The following OSBP2 variants were observed in gnomAD, a reference collection of about 807,000 sequenced individuals.
The protein encoded by OSBP2 is oxysterol binding protein 2.
In OSBP2, 66 loss-of-function variants were observed where a neutral mutation model predicts 96.0. The observed-to-expected ratio is 0.69, with a 90% CI of 0.56 to 0.84. OSBP2 has a LOEUF of 0.84. Ranked by LOEUF, OSBP2 falls within the 40% of genes least tolerant of loss-of-function variation. The probability of loss-of-function intolerance (pLI) is 0.00; values close to 1 mark genes in which losing one functional copy is unlikely to be tolerated. For synonymous variants in OSBP2, 525 were observed against 520.9 expected, an observed-to-expected ratio of 1.01 and a Z score of -0.11; for missense variants, 1,038 against 1,222.7, an observed-to-expected ratio of 0.85 and a Z score of 2.25.
intron 2 of OSBP2, among the ~76,000 whole-genome samples, chr22:30,828,015 C>T (rs1319104141): frequency 6.6e-6 from 1 of 152,098 alleles, no homozygotes; most frequent in Non-Finnish European, 1.5e-5. Context: ...AGGCTATGGC[C>T]TGGGGACCCG....
intron 2 of OSBP2, among the ~76,000 whole-genome samples, chr22:30,821,548 A>G (rs1221449525): frequency 6.6e-6 from 1 of 151,988 alleles, no homozygotes; most frequent in African/African-American, 2.4e-5. Flanking sequence ...AGGGTTGAGG[A>G]AGGGTGTGGT....
At chr22:30,895,425 G>A (rs1033003046) in intron 12 of OSBP2, among the ~76,000 whole-genome samples, 5 of 152,128 alleles carry the variant, frequency 3.3e-5, no homozygotes, top group Non-Finnish European at 7.4e-5. Context: ...AATGAAGACC[G>A]AAGAAAAAAT....
At chr22:30,719,175 C>T (rs2078856486) in intron 1 of OSBP2, among the ~76,000 whole-genome samples, 1 of 151,970 alleles carries the variant, frequency 6.6e-6, no homozygotes, top group Non-Finnish European at 1.5e-5. Flanking sequence ...TTATCCCTGG[C>T]TTCAGGCTGC....
intron 2 of OSBP2, among the ~76,000 whole-genome samples, chr22:30,830,523 T>C (rs1036841607): frequency 1.3e-5 from 2 of 152,240 alleles, no homozygotes; most frequent in African/African-American, 4.8e-5. Context: ...CGGATATTTT[T>C]ACATTAGAAG....
intron 2 of OSBP2, among the ~76,000 whole-genome samples, chr22:30,783,302 C>CAT (rs2090544976): frequency 2.9e-5 from 1 of 34,708 alleles, no homozygotes; most frequent in African/African-American, 1.4e-4. Flanking sequence ...ATTCAGAGAG[C>CAT]TTTTTTTTTT....
At chr22:30,805,291 G>A (rs996109661) in intron 2 of OSBP2, among the ~76,000 whole-genome samples, 1 of 152,230 alleles carries the variant, frequency 6.6e-6, no homozygotes, top group African/African-American at 2.4e-5. Flanking sequence ...CAAAGATGTA[G>A]TGATGACTAT....
rs56361178 is a variant in OSBP2, at chr22:30,708,478, A to ATTTTTTTTTTTTTT, written c.644+12940_644+12953dup. 4.7e-5 allele frequency among the ~76,000 whole-genome samples: 3 copies of ATTTTTTTTTTTTTT among 63,458 alleles called. 1 individual carries two copies. The highest frequency in any genetic ancestry group is 8.0e-5 in the Non-Finnish European group (3 of 37,354). 41.6% of individuals were successfully genotyped at this position (63,458 alleles called of 152,430 possible). ...CAGTATATATCTCTAAAGGATAAGGATTTTTTTTTTTTTTTTTTTTTTTTT... is the reference window on the plus strand; with the variant it reads ...CAGTATATATCTCTAAAGGATAAGGATTTTTTTTTTTTTTTTTTTTTTTTTTTTTTTTTTTTTTT... On this transcript the variant is annotated intron_variant, in intron 1 of 13. Transcript: ENST00000332585.
chr22:30,705,267 TC>T, intron 1 of OSBP2, among the ~76,000 whole-genome samples: 2 of 147,628 alleles, frequency 1.4e-5, no homozygotes, highest in Admixed American at 1.4e-4. Context: ...ATGGACCCCT[TC>T]CTCCCCAGTA....
chr22:30,703,480 CTTT>C (rs531713410), intron 1 of OSBP2, among the ~76,000 whole-genome samples: 1 of 124,294 alleles, frequency 8.0e-6, no homozygotes. Flanking sequence ...GGCCTTATAG[CTTT>C]TTTTTTTTTT....
Position 30,890,770 on chromosome 22 carries a change from G to T in OSBP2, c.1666G>T (p.Glu556Ter), listed in dbSNP as rs1188397195. 4 of 1,613,250 alleles carry T rather than the reference G, an allele frequency of 2.5e-6. No individual in the cohort carries two copies. Among genetic ancestry groups the T allele is most frequent in the Non-Finnish European group, 3.4e-6 (4 of 1,180,010 alleles). The change falls in exon 8 of 14, where the codon GAG becomes TAG. Residue 556 changes from glutamate to a stop codon, truncating the protein, a stop_gained. Transcript: ENST00000332585. LOFTEE classifies it high-confidence loss of function. This position sits in a 1 kb window ranked among gnomAD's most constrained non-coding sequence, Gnocchi z 4.4. ...CCTGTCCATGCTCCAGCGGCTGACA[G>T]AGGACCTGGAGTACCACCACCTGCT... Reference protein sequence around the residue: ...EPLSMLQRLTEDLEYHHLLDK... With the variant: ...EPLSMLQRLT
At chr22:30,876,478 G>C (rs1161366254) in intron 3 of OSBP2, among the ~76,000 whole-genome samples, 1 of 152,238 alleles carries the variant, frequency 6.6e-6, no homozygotes, top group Admixed American at 6.5e-5. Context: ...AGATCAGCTT[G>C]GCTCTTGGCT....
chr22:30,839,224 A>G (rs1198925465), intron 2 of OSBP2, among the ~76,000 whole-genome samples: 1 of 145,066 alleles, frequency 6.9e-6, no homozygotes, highest in East Asian at 2.0e-4. Context: ...TATATGTGCC[A>G]CATTTTCTTA....
At chr22:30,888,124 G>C in intron 4 of OSBP2, 99 bp from the exon 5 acceptor site, 1 of 790,144 alleles carries the variant, frequency 1.3e-6, no homozygotes, top group Non-Finnish European at 2.2e-6. Context: ...AGGGGAGTGA[G>C]GCCAGATGGG....
intron 3 of OSBP2, among the ~76,000 whole-genome samples, chr22:30,873,417 C>T (rs1207319307): frequency 6.6e-6 from 1 of 152,184 alleles, no homozygotes; most frequent in Admixed American, 6.5e-5. Flanking sequence ...TTCAAGGTAT[C>T]CTCTGGTCAC....
At chr22:30,904,486 A>T (rs1428131549) in intron 12 of OSBP2, among the ~76,000 whole-genome samples, 1 of 152,246 alleles carries the variant, frequency 6.6e-6, no homozygotes, top group East Asian at 1.9e-4. Context: ...TTTAAATGTA[A>T]GAATGGAATT....
intron 2 of OSBP2, among the ~76,000 whole-genome samples, chr22:30,860,141 C>G (rs1254315487): frequency 6.6e-6 from 1 of 152,148 alleles, no homozygotes; most frequent in Non-Finnish European, 1.5e-5. Context: ...ATCTTAAATT[C>G]AGCTGATTAG....
At chr22:30,698,902 C>T (rs1031248630) in intron 1 of OSBP2, among the ~76,000 whole-genome samples, 3 of 152,024 alleles carry the variant, frequency 2.0e-5, no homozygotes, top group African/African-American at 7.2e-5. Flanking sequence ...TTAATTTTAT[C>T]TCATCTAGGT....
intron 1 of OSBP2, among the ~76,000 whole-genome samples, chr22:30,725,903 C>A (rs2089642453): frequency 6.6e-6 from 1 of 151,940 alleles, no homozygotes; most frequent in African/African-American, 2.4e-5. Flanking sequence ...CCTCAGCCTC[C>A]CAAGTAGCTG....
At chr22:30,775,485 T>C (rs1183356009) in intron 2 of OSBP2, among the ~76,000 whole-genome samples, 1 of 147,448 alleles carries the variant, frequency 6.8e-6, no homozygotes, top group South Asian at 2.1e-4. Context: ...GGCGTGGTGG[T>C]GGGTGTCTGT....
Sources: gnomAD v4.1 joint callset for allele counts (sites outside exome capture counted in the v4.1 genomes callset) on GRCh38, gnomAD v4.1.1 for gene constraint, Gnocchi (gnomAD v3.1) non-coding constraint, MANE v1.5 for transcripts, NCBI Gene and HGNC (gene_info 2026-07-23, HGNC 2026-07-21) for gene names.